Variants in ZBTB7A observed in about 807,000 individuals in gnomAD.
ZBTB7A encodes zinc finger and BTB domain containing 7A.
Under a neutral mutation model 26.7 loss-of-function variants are expected in ZBTB7A, and 7 were observed. That is an observed-to-expected ratio of 0.26 (90% CI 0.15 to 0.49). The LOEUF (loss-of-function observed/expected upper bound fraction) is 0.49. Ranked by LOEUF, ZBTB7A falls within the 20% of genes least tolerant of loss-of-function variation. The pLI, the probability that ZBTB7A is intolerant of heterozygous loss-of-function variation, is 0.98. For synonymous variants in ZBTB7A, 452 were observed against 441.0 expected (o/e 1.02, Z -0.31); for missense variants, 617 against 919.5 (o/e 0.67, Z 4.25).
At position 4,049,164 on chromosome 19, in the gene ZBTB7A, G is replaced by GTATATA. The variant is rs748377446; in HGVS notation, c.1263-921_1263-920insTATATA. Among the ~76,000 whole-genome samples, 124 of 21,094 alleles carry GTATATA rather than the reference G, an allele frequency of 5.9e-3. 2 individuals are homozygous for GTATATA. Among genetic ancestry groups the GTATATA allele is most frequent in the Middle Eastern group, 0.067 (2 of 30 alleles). The allele number at this position is 21,094 out of a possible 152,430, so 13.8% of individuals were successfully genotyped here. ...TTAAACTATATGTGTGTGTGTGTGT[G>GTATATA]TGTGTATATATATATATATATATAT... On this transcript the variant is annotated intron_variant, in intron 2 of 2. Coordinates refer to ENST00000322357, the MANE Select transcript of ZBTB7A (RefSeq NM_015898.4).
chr19:4,065,104 G>T (rs2040678913), intron 1 of ZBTB7A, among the ~76,000 whole-genome samples: 1 of 151,626 alleles, frequency 6.6e-6, no homozygotes, highest in Admixed American at 6.6e-5. Context: ...GATCCCACCA[G>T]CTCCCCCCTC....
In ZBTB7A at chr19:4,048,360, C is replaced by T; in HGVS notation, c.1263-116G>A. 3 of 1,350,240 alleles carry T rather than the reference C, an allele frequency of 2.2e-6. No homozygotes were observed. The highest frequency in any genetic ancestry group is 2.9e-6 in the Non-Finnish European group (3 of 1,046,814). The allele number at this position is 1,350,240 out of a possible 1,614,324, so 83.6% of individuals were successfully genotyped here. On this transcript the variant is annotated intron_variant, in intron 2 of 2. Coordinates refer to ENST00000322357, the MANE Select transcript of ZBTB7A (RefSeq NM_015898.4). This position sits in a 1 kb window ranked among gnomAD's most constrained non-coding sequence, Gnocchi z 6.7. ...ATCATCACCCTTGCAGAACACGGAC[C>T]GTGCACCAGAGGTTTCGGTGCCCCG...
chr19:4,051,670 C>T (rs2040505482), intron 2 of ZBTB7A, among the ~76,000 whole-genome samples: 1 of 152,262 alleles, frequency 6.6e-6, no homozygotes, highest in Non-Finnish European at 1.5e-5. Context: ...TGATCACCTT[C>T]TGCAAAGCCC....
intron 2 of ZBTB7A, among the ~76,000 whole-genome samples, chr19:4,050,980 C>G (rs1193494137): frequency 6.6e-6 from 1 of 151,306 alleles, no homozygotes. Flanking sequence ...CGCCTATAAT[C>G]CCAGCTACTT....
chr19:4,066,095 G>A (rs2040693441), intron 1 of ZBTB7A, among the ~76,000 whole-genome samples: 2 of 150,516 alleles, frequency 1.3e-5, no homozygotes, highest in Admixed American at 1.3e-4. Context: ...AAACGGCGGA[G>A]GGACTACGAA....
chr19:4,049,162 GTGTGTGTATATA>G (rs1335686848), intron 2 of ZBTB7A, among the ~76,000 whole-genome samples: 182 of 18,414 alleles, frequency 9.9e-3, no homozygotes, highest in African/African-American at 0.017. Flanking sequence ...GTGTGTGTGT[GTGTGTGTATATA>G]TATATATATA....
At chr19:4,049,172 A>G (rs1295567185) in intron 2 of ZBTB7A, among the ~76,000 whole-genome samples, 2,184 of 13,250 alleles carry the variant, frequency 0.16, 124 homozygotes, top group Non-Finnish European at 0.19. Flanking sequence ...GTGTGTGTAT[A>G]TATATATATA....
intron 1 of ZBTB7A, among the ~76,000 whole-genome samples, chr19:4,064,612 G>A (rs1207944481): frequency 1.3e-5 from 2 of 152,250 alleles, no homozygotes; most frequent in African/African-American, 2.4e-5. Context: ...GGAGCGGCAC[G>A]CTCAGGGTTA....
chr19:4,060,116 G>A (rs772790036), intron 1 of ZBTB7A, among the ~76,000 whole-genome samples: 5 of 151,026 alleles, frequency 3.3e-5, no homozygotes, highest in Non-Finnish European at 7.4e-5. Context: ...GGGCTGCTTG[G>A]TGCTGACTCG....
At position 4,059,581 on chromosome 19, in the gene ZBTB7A, G is replaced by A. The variant is rs552762896; in HGVS notation, c.-15-4334C>T. ...GAGAGGGCTGCAGTCCTGGCCTAAGGATGCCCGGCAGGGCTGACTCCCAGG... is the reference window on the plus strand; with the variant it reads ...GAGAGGGCTGCAGTCCTGGCCTAAGAATGCCCGGCAGGGCTGACTCCCAGG... On this transcript the variant is annotated intron_variant, in intron 1 of 2. Coordinates refer to ENST00000322357, the MANE Select transcript of ZBTB7A (RefSeq NM_015898.4). Among the ~76,000 whole-genome samples, 6 of 152,270 alleles carry A rather than the reference G, an allele frequency of 3.9e-5. No individual in the cohort carries two copies. In the South Asian group the frequency reaches 1.2e-3, roughly 32 times the overall value.
rs1183626370 is a variant in ZBTB7A, at chr19:4,048,322, C to G, written c.1263-78G>C. 6.9e-7 allele frequency: 1 copy of G among 1,458,208 alleles called. No homozygotes were observed. Among genetic ancestry groups the G allele is most frequent in the East Asian group, 2.7e-5 (1 of 36,520 alleles). 90.3% of individuals were successfully genotyped at this position (1,458,208 alleles called of 1,614,324 possible). ...CCCCGCCCAGGGACCCTCACGGACA[C>G]GGCAGGCCCTGGATCATCACCCTTG... On this transcript the variant is annotated intron_variant, in intron 2 of 2. Coordinates refer to ENST00000322357, the MANE Select transcript of ZBTB7A (RefSeq NM_015898.4). This position sits in a 1 kb window ranked among gnomAD's most constrained non-coding sequence, Gnocchi z 6.7.
chr19:4,044,314 G>A lies in ZBTB7A; in HGVS notation c.*3438C>T, dbSNP rs577222320. 3.3e-5 allele frequency: 5 copies of A among 152,250 alleles called. No homozygotes were observed. In the East Asian group the frequency reaches 9.7e-4, roughly 29 times the overall value. 9.4% of individuals were successfully genotyped at this position (152,250 alleles called of 1,614,324 possible). ...TGCAGGTCCACACCCATGCCAGGCC[G>A]GGCCTGCTCCGGCATTTTACATTCA... On this transcript the variant is annotated 3_prime_UTR_variant, in exon 3 of 3. Transcript: ENST00000322357.
At chr19:4,065,873 C>T (rs1445297532) in intron 1 of ZBTB7A, 1 of 143,310 alleles carries the variant, frequency 7.0e-6, no homozygotes, top group Non-Finnish European at 1.6e-5. Flanking sequence ...GCCACCGGCC[C>T]CCGGCGAGGG....
In ZBTB7A at chr19:4,066,664, C is replaced by G. The variant is rs1441270389; in HGVS notation, c.-16+18G>C. The G allele has an allele frequency of 2.6e-5, 4 of 151,358 alleles. No homozygotes were observed. Among genetic ancestry groups the G allele is most frequent in the Non-Finnish European group, 5.9e-5 (4 of 67,748 alleles). The allele number at this position is 151,358 out of a possible 1,614,324, so 9.4% of individuals were successfully genotyped here. A position where few individuals can be genotyped will look rare whatever the true frequency, so the allele number is the denominator to read the frequency against. ...GCCCTGCACCCCGTGCCGGGGGCCG[C>G]GCCGGGCGCTGACTTACCTCGCGGG... On this transcript the variant is annotated intron_variant, in intron 1 of 2. Transcript: ENST00000322357.
chr19:4,054,799 A>G lies in ZBTB7A; in HGVS notation c.434T>C (p.Leu145Pro). The stretch of plus-strand genomic sequence containing the variant: ...GTTGCGCTGATCAATTTGATCTACA[A>G]GGTCCAGCTGCCCGGCGTCGGCGCC... ...DAGADAGQLD[L>P]VDQIDQRNLL... Residue 145 changes from leucine (L) to proline (P), a missense_variant, in exon 2 of 3, where the codon CTT becomes CCT. Leu to Pro is a moderately conservative substitution (Grantham distance 98). Around this residue, in one of 5 missense-constraint regions of ZBTB7A, gnomAD observed 331 missense variants for 391.3 expected, o/e 0.85. Transcript: ENST00000322357. The G allele has an allele frequency of 6.3e-7, 1 of 1,589,654 alleles. No homozygotes were observed. Among genetic ancestry groups the G allele is most frequent in the Non-Finnish European group, 8.6e-7 (1 of 1,167,758 alleles).
intron 2 of ZBTB7A, among the ~76,000 whole-genome samples, 168 bp downstream of exon 2, chr19:4,053,803 G>A (rs1351196861): frequency 6.6e-6 from 1 of 151,582 alleles, no homozygotes; most frequent in Non-Finnish European, 1.5e-5. Context: ...TGGATGTGTA[G>A]GTGACGTGCA....
chr19:4,045,632 C>T lies in ZBTB7A; in HGVS notation c.*2120G>A, dbSNP rs2040405864. On this transcript the variant is annotated 3_prime_UTR_variant, in exon 3 of 3. Transcript: ENST00000322357. This position sits in a 1 kb window ranked among gnomAD's most constrained non-coding sequence, Gnocchi z 4.1. Reference sequence around the variant, plus strand: ...GAAGGGGGTATGGGGGGGTCGGGGGCAGGGAGACACCCCCCCGCCGGTTGG... The same window carrying T: ...GAAGGGGGTATGGGGGGGTCGGGGGTAGGGAGACACCCCCCCGCCGGTTGG... 1 of 348,330 alleles carries T rather than the reference C, an allele frequency of 2.9e-6. No individual in the cohort carries two copies. Among genetic ancestry groups the T allele is most frequent in the South Asian group, 1.5e-4 (1 of 6,548 alleles). 21.6% of individuals were successfully genotyped at this position (348,330 alleles called of 1,614,324 possible).
intron 1 of ZBTB7A, among the ~76,000 whole-genome samples, chr19:4,058,657 T>A (rs866962847): frequency 1.3e-5 from 2 of 151,894 alleles, no homozygotes; most frequent in Admixed American, 6.5e-5. Context: ...GGGCCTTTCA[T>A]GGCCTCCTCC....
At chr19:4,061,829 C>G (rs906944847) in intron 1 of ZBTB7A, 6 of 152,240 alleles carry the variant, frequency 3.9e-5, no homozygotes, top group African/African-American at 1.4e-4. Context: ...TGTCATGGGC[C>G]AGGAAGCCCA....
Sources: gnomAD v4.1 joint callset for allele counts (sites outside exome capture counted in the v4.1 genomes callset) on GRCh38, gnomAD v4.1.1 for gene constraint, gnomAD v4.1.1 regional missense constraint, Gnocchi (gnomAD v3.1) non-coding constraint, MANE v1.5 for transcripts, NCBI Gene and HGNC (gene_info 2026-07-23, HGNC 2026-07-21) for gene names.